Variants in NOL4 observed in about 807,000 individuals in gnomAD.
The protein encoded by NOL4 is cancer/testis antigen 125.
NOL4 carries 17 observed loss-of-function variants against 75.9 expected under a neutral mutation model. That is an observed-to-expected ratio of 0.22 (90% CI 0.15 to 0.34). The LOEUF (loss-of-function observed/expected upper bound fraction) is 0.34. NOL4 is among the 10% of genes least tolerant of loss of function. NOL4 has a pLI of 1.00. For missense variants in NOL4, 614 were observed against 793.5 expected (o/e 0.77, Z 2.72); for synonymous variants, 292 against 289.9 (o/e 1.01, Z -0.07).
At chr18:34,005,942 T>G (rs905863297) in intron 6 of NOL4, among the ~76,000 whole-genome samples, 1 of 152,090 alleles carries the variant, frequency 6.6e-6, no homozygotes, top group Non-Finnish European at 1.5e-5. Flanking sequence ...ATGAAAGTGA[T>G]GCTTATAATT....
At chr18:34,211,650 C>A (rs1015612281) in intron 1 of NOL4, among the ~76,000 whole-genome samples, 1 of 152,164 alleles carries the variant, frequency 6.6e-6, no homozygotes, top group East Asian at 1.9e-4. Flanking sequence ...TTTTTCTCAA[C>A]CTTCCAATTT....
intron 4 of NOL4, among the ~76,000 whole-genome samples, chr18:34,096,846 AACCTTTGTTATTGAGCTTTTATTT>A (rs1394859552): frequency 6.6e-6 from 1 of 152,116 alleles, no homozygotes. Flanking sequence ...TATTTCTCAA[AACCTTTGTTATTGAGCTTTTATTT>A]CTATCTTCAG....
At position 33,957,220 on chromosome 18, in the gene NOL4, T is replaced by G. The variant is rs1306575163; in HGVS notation, c.1428+106A>C. On this transcript the variant is annotated intron_variant, in intron 8 of 10. Transcript: ENST00000261592. ...AACAAAACCCCCTTTGACCTGACATTATGGAAAAAAATAAAAAAAGACACT... is the reference window on the plus strand; with the variant it reads ...AACAAAACCCCCTTTGACCTGACATGATGGAAAAAAATAAAAAAAGACACT... 4 of 924,270 alleles carry G rather than the reference T, an allele frequency of 4.3e-6. No homozygotes were observed. In the East Asian group the frequency reaches 7.7e-5, roughly 18 times the overall value. 57.3% of individuals were successfully genotyped at this position (924,270 alleles called of 1,614,324 possible).
At chr18:33,963,960 A>G (rs1266851569) in intron 6 of NOL4, among the ~76,000 whole-genome samples, 1 of 152,150 alleles carries the variant, frequency 6.6e-6, no homozygotes, top group Non-Finnish European at 1.5e-5. Flanking sequence ...AGTGGAAAAA[A>G]GGCGAACCTG....
intron 6 of NOL4, among the ~76,000 whole-genome samples, chr18:33,999,770 G>C (rs751342734): frequency 2.6e-5 from 4 of 152,054 alleles, no homozygotes; most frequent in Non-Finnish European, 5.9e-5. Context: ...TCCTGTCTCA[G>C]CCTCCCGAGT....
chr18:34,034,559 C>CA (rs964771175), intron 5 of NOL4, among the ~76,000 whole-genome samples: 3 of 151,984 alleles, frequency 2.0e-5, no homozygotes, highest in Non-Finnish European at 4.4e-5. Flanking sequence ...GCCAACACAG[C>CA]AAAACCCTGT....
intron 5 of NOL4, among the ~76,000 whole-genome samples, chr18:34,072,962 T>G (rs1261662771): frequency 2.0e-5 from 3 of 152,138 alleles, no homozygotes; most frequent in Non-Finnish European, 4.4e-5. Context: ...GAAAGAAATA[T>G]ATAGTTTTAT....
intron 5 of NOL4, among the ~76,000 whole-genome samples, chr18:34,041,294 A>G (rs4799739): frequency 0.17 from 25,893 of 151,890 alleles, 2,760 homozygotes; most frequent in East Asian, 0.42. Flanking sequence ...GAACTTGGGA[A>G]CAATGCCTTG....
chr18:34,046,470 A>T (rs2076368743), intron 5 of NOL4, among the ~76,000 whole-genome samples: 1 of 151,762 alleles, frequency 6.6e-6, no homozygotes, highest in African/African-American at 2.4e-5. Context: ...ACATAAGCAC[A>T]GAAGACAGGG....
chr18:33,914,841 C>T (rs1203387951), intron 9 of NOL4, among the ~76,000 whole-genome samples: 1 of 152,058 alleles, frequency 6.6e-6, no homozygotes, highest in East Asian at 1.9e-4. Flanking sequence ...ATTTAACATC[C>T]ATCCAAGAGT....
At chr18:33,943,868 T>G (rs749773014) in intron 8 of NOL4, among the ~76,000 whole-genome samples, 1 of 151,886 alleles carries the variant, frequency 6.6e-6, no homozygotes, top group Non-Finnish European at 1.5e-5. Flanking sequence ...GTAGCCCACA[T>G]AGAAAGAATT....
intron 2 of NOL4, among the ~76,000 whole-genome samples, chr18:34,118,826 T>C (rs1024759386): frequency 2.0e-5 from 3 of 152,216 alleles, no homozygotes; most frequent in Non-Finnish European, 4.4e-5. Flanking sequence ...ATTAGCAGTG[T>C]ACATCATTGT....
intron 10 of NOL4, among the ~76,000 whole-genome samples, chr18:33,878,091 G>A (rs1482683125): frequency 3.9e-5 from 6 of 152,154 alleles, no homozygotes; most frequent in South Asian, 2.1e-4. Flanking sequence ...GTGAAGTGAC[G>A]TGATCAGATT....
chr18:34,014,153 T>C (rs2074546079), intron 6 of NOL4, among the ~76,000 whole-genome samples: 1 of 151,986 alleles, frequency 6.6e-6, no homozygotes, highest in South Asian at 2.1e-4. Flanking sequence ...ATAGCAAATA[T>C]TAATGTTAGT....
intron 5 of NOL4, among the ~76,000 whole-genome samples, chr18:34,031,337 A>G (rs966335724): frequency 1.3e-5 from 2 of 152,210 alleles, no homozygotes; most frequent in Non-Finnish European, 2.9e-5. Context: ...AAGCAAAACA[A>G]AACAAAAGCA....
intron 1 of NOL4, 166 bp downstream of exon 1, chr18:34,222,824 G>A: frequency 2.4e-6 from 2 of 837,564 alleles, no homozygotes; most frequent in Non-Finnish European, 3.6e-6. Flanking sequence ...GGGAAAACGC[G>A]CCTGGCTAAT....
intron 4 of NOL4, among the ~76,000 whole-genome samples, chr18:34,102,871 A>G: frequency 6.6e-6 from 1 of 152,120 alleles, no homozygotes; most frequent in South Asian, 2.1e-4. Flanking sequence ...TCTTTAACCC[A>G]ATGATTTTAT....
chr18:34,085,943 T>C (rs1350891468), intron 5 of NOL4, among the ~76,000 whole-genome samples: 2 of 152,096 alleles, frequency 1.3e-5, no homozygotes. Flanking sequence ...TCTCCTCCAA[T>C]TCATAGTAAC....
chr18:33,857,558 T>A (rs2062893416), intron 10 of NOL4, among the ~76,000 whole-genome samples: 1 of 152,034 alleles, frequency 6.6e-6, no homozygotes, highest in African/African-American at 2.4e-5. Context: ...GGGCAGTTCT[T>A]ATTCAGAAAA....
Sources: allele counts gnomAD v4.1 joint callset (sites outside exome capture counted in the v4.1 genomes callset), GRCh38; gene constraint gnomAD v4.1.1; transcripts MANE v1.5; gene names NCBI Gene and HGNC (gene_info 2026-07-23, HGNC 2026-07-21).